The following STXBP5 variants were observed in gnomAD, a reference collection of about 807,000 sequenced individuals.
STXBP5 encodes the protein syntaxin binding protein 5, also known as syntaxin-binding protein 5.
In STXBP5, 50 loss-of-function variants were observed where a neutral mutation model predicts 152.4. The observed-to-expected ratio is 0.33, with a 90% CI of 0.26 to 0.42. The LOEUF is 0.42. Ranked by LOEUF, STXBP5 falls within the 10% of genes least tolerant of loss-of-function variation. The pLI is 1.00. For missense variants in STXBP5, 1,167 were observed against 1,388.6 expected, an observed-to-expected ratio of 0.84 and a Z score of 2.54; for synonymous variants, 492 against 494.7, an observed-to-expected ratio of 0.99 and a Z score of 0.07.
chr6:147,274,995 A>G (rs1168677128), intron 7 of STXBP5, among the ~76,000 whole-genome samples: 4 of 152,178 alleles, frequency 2.6e-5, no homozygotes, highest in African/African-American at 9.7e-5. Context: ...GAATTTATTC[A>G]GTTTCCATAC....
chr6:147,331,893 G>A (rs1024682045), intron 18 of STXBP5, among the ~76,000 whole-genome samples: 4 of 150,060 alleles, frequency 2.7e-5, no homozygotes, highest in African/African-American at 9.8e-5. Context: ...TTTTGTTCCT[G>A]TATAAAATGC....
chr6:147,371,692 T>G (rs1235400232), intron 25 of STXBP5, among the ~76,000 whole-genome samples: 2 of 152,160 alleles, frequency 1.3e-5, no homozygotes, highest in Non-Finnish European at 2.9e-5. Context: ...ATATAATGAG[T>G]TTAATCTGGT....
At chr6:147,335,172 T>G (rs183234944) in intron 19 of STXBP5, among the ~76,000 whole-genome samples, 334 of 152,322 alleles carry the variant, frequency 2.2e-3, no homozygotes, top group African/African-American at 7.4e-3. Flanking sequence ...ATTTATTCAT[T>G]AAACTAATAA....
chr6:147,301,842 A>G (rs1011321536), intron 9 of STXBP5, among the ~76,000 whole-genome samples: 1 of 152,184 alleles, frequency 6.6e-6, no homozygotes, highest in Admixed American at 6.5e-5. Flanking sequence ...GCCAGCTCAC[A>G]TGGTGAGATT....
intron 11 of STXBP5, among the ~76,000 whole-genome samples, chr6:147,313,278 A>G (rs1354622472): frequency 3.9e-5 from 6 of 152,198 alleles, no homozygotes; most frequent in Non-Finnish European, 8.8e-5. Flanking sequence ...GGACTTTAAA[A>G]TGAGAAAAGA....
intron 23 of STXBP5, among the ~76,000 whole-genome samples, chr6:147,361,710 T>A (rs191499308): frequency 2.1e-4 from 32 of 152,250 alleles, no homozygotes; most frequent in South Asian, 6.2e-4. Context: ...GCCAGTTTTT[T>A]AAAAAATCTA....
intron 4 of STXBP5, among the ~76,000 whole-genome samples, chr6:147,249,568 A>G (rs1192884045): frequency 6.6e-6 from 1 of 152,186 alleles, no homozygotes; most frequent in African/African-American, 2.4e-5. Context: ...AGAGATTTCC[A>G]AGGAAAGTGT....
rs1468198418 is a variant in STXBP5 at position 147,237,630 on chromosome 6, G to A, written c.331-1540G>A. Among the ~76,000 whole-genome samples, 4 of 152,202 alleles carry A rather than the reference G, an allele frequency of 2.6e-5. 1 individual carries two copies. The South Asian group carries it at 6.2e-4, about 24-fold the overall frequency. On this transcript the variant is annotated intron_variant, in intron 3 of 27. Coordinates refer to ENST00000321680, the MANE Select transcript of STXBP5 (RefSeq NM_001127715.4). ...CGATGCTTTTAGTGAAATGGAGAGAGTGTGGACTTTATGTATTTCTGCTTT... is the reference window on the plus strand; with the variant it reads ...CGATGCTTTTAGTGAAATGGAGAGAATGTGGACTTTATGTATTTCTGCTTT...
chr6:147,317,537 T>C (rs1782704069), intron 16 of STXBP5, among the ~76,000 whole-genome samples: 1 of 152,086 alleles, frequency 6.6e-6, no homozygotes, highest in Non-Finnish European at 1.5e-5. Flanking sequence ...TAATGTTAAA[T>C]ATTCTACAAT....
At chr6:147,352,020 A>G (rs930624462) in intron 21 of STXBP5, 1 of 222,344 alleles carries the variant, frequency 4.5e-6, no homozygotes, top group Non-Finnish European at 7.6e-6. Context: ...CACTACCACT[A>G]ACATAATAGA....
At chr6:147,377,538 C>G (rs916011163) in intron 26 of STXBP5, among the ~76,000 whole-genome samples, 1 of 152,136 alleles carries the variant, frequency 6.6e-6, no homozygotes, top group Admixed American at 6.5e-5. Flanking sequence ...TTATTTCTTA[C>G]AGCTCTGGAG....
At chr6:147,259,117 TA>T (rs1562444609) in intron 4 of STXBP5, among the ~76,000 whole-genome samples, 1 of 152,234 alleles carries the variant, frequency 6.6e-6, no homozygotes, top group South Asian at 2.1e-4. Context: ...TATATATTTT[TA>T]AAAAAATATA....
At chr6:147,326,768 G>A (rs923664912) in intron 17 of STXBP5, among the ~76,000 whole-genome samples, 2 of 152,106 alleles carry the variant, frequency 1.3e-5, no homozygotes, top group African/African-American at 4.8e-5. Context: ...TTTCCTAATA[G>A]AAGGGAATGT....
intron 2 of STXBP5, among the ~76,000 whole-genome samples, chr6:147,219,302 C>T (rs1777338746): frequency 6.6e-6 from 1 of 152,132 alleles, no homozygotes; most frequent in Non-Finnish European, 1.5e-5. Flanking sequence ...TCTTTTTATA[C>T]ACTGTTGAAT....
At chr6:147,207,743 G>A (rs1220298328) in intron 2 of STXBP5, among the ~76,000 whole-genome samples, 2 of 152,112 alleles carry the variant, frequency 1.3e-5, no homozygotes, top group South Asian at 2.1e-4. Flanking sequence ...AATTAAATCA[G>A]CTATTTTTCC....
Position 147,314,051 on chromosome 6 carries a change from G to A in STXBP5, c.1293+20G>A, listed in dbSNP as rs758570575. ...AAAAAGGTATTGAACATGAGCTTCA[G>A]TATTTAATGTTATATTTCTTATTTA... is the stretch of plus-strand genomic sequence containing the variant. On this transcript the variant is annotated intron_variant, in intron 12 of 27. Transcript: ENST00000321680. 1 of 1,562,862 alleles carries A rather than the reference G, an allele frequency of 6.4e-7. No homozygotes were observed. The highest frequency in any genetic ancestry group is 8.7e-7 in the Non-Finnish European group (1 of 1,149,948).
At chr6:147,257,918 C>T (rs549008702) in intron 4 of STXBP5, among the ~76,000 whole-genome samples, 3 of 152,288 alleles carry the variant, frequency 2.0e-5, no homozygotes, top group Non-Finnish European at 4.4e-5. Flanking sequence ...GTCACTTACA[C>T]AACTGTAGTT....
rs773842015 is a variant in STXBP5, at chr6:147,206,107, G to T, written c.248+39G>T. On this transcript the variant is annotated intron_variant, in intron 2 of 27. Coordinates refer to ENST00000321680, the MANE Select transcript of STXBP5 (RefSeq NM_001127715.4). ...AATTTTATTTTTTAACTTCTACTTTGTTCTCCCCAGTCCTTCTGTGTTGCT... is the reference window on the plus strand; with the variant it reads ...AATTTTATTTTTTAACTTCTACTTTTTTCTCCCCAGTCCTTCTGTGTTGCT... 2.4e-5 allele frequency: 38 copies of T among 1,553,480 alleles called. 1 individual carries two copies. In the South Asian group the frequency reaches 4.1e-4, roughly 17 times the overall value.
intron 18 of STXBP5, among the ~76,000 whole-genome samples, chr6:147,329,068 TGTG>T (rs1339168719): frequency 3.3e-5 from 5 of 151,964 alleles, no homozygotes; most frequent in Non-Finnish European, 4.4e-5. Flanking sequence ...ATTTTACAAA[TGTG>T]GTAAAAATTA....
Sources: gnomAD v4.1 joint callset for allele counts (sites outside exome capture counted in the v4.1 genomes callset) on GRCh38, gnomAD v4.1.1 for gene constraint, MANE v1.5 for transcripts, NCBI Gene and HGNC (gene_info 2026-07-23, HGNC 2026-07-21) for gene names.